The following LRMDA variants were observed in gnomAD, a reference collection of about 807,000 sequenced individuals.
LRMDA encodes the protein leucine-rich melanocyte differentiation-associated protein.
A neutral mutation model predicts 29.8 loss-of-function variants in LRMDA; 18 were observed. The observed-to-expected ratio is 0.60, with a 90% CI of 0.42 to 0.90. The LOEUF is 0.90. Among genes scored for constraint, LRMDA ranks in the 40% least tolerant of loss-of-function variants. The pLI is 0.00. For synonymous variants in LRMDA, 125 were observed against 109.4 expected (o/e 1.14, Z -0.89); for missense variants, 273 against 273.9 (o/e 1.00, Z 0.02).
chr10:75,644,099 T>C (rs1313611573), intron 2 of LRMDA, among the ~76,000 whole-genome samples: 2 of 152,184 alleles, frequency 1.3e-5, no homozygotes, highest in African/African-American at 2.4e-5. Flanking sequence ...GATTAGACTT[T>C]GAAATAGGAC....
rs1847277153 is a variant in LRMDA, at chr10:75,987,298, G to T, written c.132-48710G>T. On this transcript the variant is annotated intron_variant, in intron 2 of 6. Coordinates refer to ENST00000611255, the MANE Select transcript of LRMDA (RefSeq NM_001305581.2). The stretch of plus-strand genomic sequence containing the variant: ...GAGGAGTGGGTCAACTTAGATCAAG[G>T]TTTCTTAATCTTGGCACTAATGATA... Among the ~76,000 whole-genome samples the T allele has an allele frequency of 1.3e-5, 2 of 152,242 alleles. 1 individual carries two copies.
intron 4 of LRMDA, among the ~76,000 whole-genome samples, chr10:76,050,090 TATA>T (rs1280067039): frequency 6.6e-6 from 1 of 152,242 alleles, no homozygotes; most frequent in African/African-American, 2.4e-5. Flanking sequence ...ATGTAATATT[TATA>T]ATATGTCACC....
chr10:76,414,755 T>G (rs752570322), intron 6 of LRMDA, among the ~76,000 whole-genome samples: 4 of 152,192 alleles, frequency 2.6e-5, no homozygotes, highest in Non-Finnish European at 1.5e-5. Context: ...GCCCGAGTCA[T>G]GGGCCCCTTA....
intron 2 of LRMDA, among the ~76,000 whole-genome samples, chr10:75,782,430 T>G (rs1193990277): frequency 6.6e-6 from 1 of 152,206 alleles, no homozygotes; most frequent in African/African-American, 2.4e-5. Flanking sequence ...TTTATTATTA[T>G]TTTTTCTTCT....
chr10:76,337,538 G>A (rs188991952), intron 6 of LRMDA, among the ~76,000 whole-genome samples: 19 of 152,232 alleles, frequency 1.2e-4, no homozygotes, highest in East Asian at 5.8e-4. Flanking sequence ...AGGTGGGAGC[G>A]TGCTCCTGGC....
chr10:76,131,628 G>A (rs1322203568), intron 5 of LRMDA, among the ~76,000 whole-genome samples: 1 of 150,254 alleles, frequency 6.7e-6, no homozygotes, highest in African/African-American at 2.4e-5. Flanking sequence ...ATAACCCTGG[G>A]TATTATTTTC....
intron 2 of LRMDA, among the ~76,000 whole-genome samples, chr10:75,859,755 CAAAT>C (rs912548501): frequency 6.6e-6 from 1 of 152,000 alleles, no homozygotes; most frequent in Non-Finnish European, 1.5e-5. Flanking sequence ...TTGATGCTGT[CAAAT>C]AAACAGGTCT....
At chr10:76,299,361 T>A (rs1411486223) in intron 5 of LRMDA, among the ~76,000 whole-genome samples, 1 of 152,190 alleles carries the variant, frequency 6.6e-6, no homozygotes, top group African/African-American at 2.4e-5. Context: ...TTCCTTTAGA[T>A]GTGAGACTAT....
chr10:75,732,427 C>G (rs1842710968), intron 2 of LRMDA, among the ~76,000 whole-genome samples: 1 of 152,174 alleles, frequency 6.6e-6, no homozygotes, highest in African/African-American at 2.4e-5. Context: ...ATTTATAAAC[C>G]AAACTAACAA....
intron 6 of LRMDA, among the ~76,000 whole-genome samples, chr10:76,540,632 CAT>C (rs1398880962): frequency 2.6e-5 from 4 of 152,130 alleles, no homozygotes; most frequent in Non-Finnish European, 5.9e-5. Flanking sequence ...GAAATGAAAA[CAT>C]ATTAATTATG....
chr10:75,734,125 A>G (rs1272983619), intron 2 of LRMDA, among the ~76,000 whole-genome samples: 1 of 152,174 alleles, frequency 6.6e-6, no homozygotes, highest in Non-Finnish European at 1.5e-5. Context: ...CTGACTGCTC[A>G]GGGCTGGAGT....
At chr10:76,447,861 T>A (rs1842368497) in intron 6 of LRMDA, among the ~76,000 whole-genome samples, 1 of 152,228 alleles carries the variant, frequency 6.6e-6, no homozygotes, top group Non-Finnish European at 1.5e-5. Context: ...TCCAGCATTT[T>A]TTCCTTGATG....
At chr10:76,011,118 C>T (rs1207652984) in intron 2 of LRMDA, among the ~76,000 whole-genome samples, 5 of 152,016 alleles carry the variant, frequency 3.3e-5, no homozygotes, top group African/African-American at 7.3e-5. Context: ...TCAGTGTTAA[C>T]TTTTTTTTAG....
chr10:76,332,183 T>C (rs1840912691), intron 6 of LRMDA, among the ~76,000 whole-genome samples: 1 of 152,200 alleles, frequency 6.6e-6, no homozygotes, highest in South Asian at 2.1e-4. Flanking sequence ...TAGATGTGCA[T>C]GTGTGCACTC....
chr10:76,076,039 C>T (rs1358000786), intron 5 of LRMDA, among the ~76,000 whole-genome samples: 2 of 152,044 alleles, frequency 1.3e-5, no homozygotes, highest in Non-Finnish European at 2.9e-5. Context: ...GGCTTCGTGC[C>T]CAATAAAGAC....
At chr10:76,398,562 T>C (rs977907415) in intron 6 of LRMDA, among the ~76,000 whole-genome samples, 2 of 152,220 alleles carry the variant, frequency 1.3e-5, no homozygotes, top group African/African-American at 4.8e-5. Context: ...CTCTGCTGAT[T>C]GGGCCAGAAA....
At chr10:75,953,978 A>C (rs970152417) in intron 2 of LRMDA, among the ~76,000 whole-genome samples, 25 of 152,294 alleles carry the variant, frequency 1.6e-4, no homozygotes, top group African/African-American at 6.0e-4. Flanking sequence ...AAGCAGAGAA[A>C]GTCCTAGATA....
rs147535661 is a variant in LRMDA at position 75,639,560 on chromosome 10, G to T, written c.131+201066G>T. Among the ~76,000 whole-genome samples the T allele has an allele frequency of 1.4e-4, 22 of 152,294 alleles. No homozygotes were observed. The East Asian group carries it at 3.9e-3, about 27-fold the overall frequency. On this transcript the variant is annotated intron_variant, in intron 2 of 6. Coordinates refer to ENST00000611255, the MANE Select transcript of LRMDA (RefSeq NM_001305581.2). Reference sequence around the variant, plus strand: ...GTGCTCCAGAACCAGTGTTGGCACCGTGAAGAAGTTGGGCAGAGGGAAGTT... The same window carrying T: ...GTGCTCCAGAACCAGTGTTGGCACCTTGAAGAAGTTGGGCAGAGGGAAGTT...
At chr10:76,376,709 C>T (rs1841522527) in intron 6 of LRMDA, among the ~76,000 whole-genome samples, 1 of 152,040 alleles carries the variant, frequency 6.6e-6, no homozygotes, top group Non-Finnish European at 1.5e-5. Context: ...ATTCCTGTTT[C>T]TCCACATTCT....
Sources: gnomAD v4.1 joint callset for allele counts (sites outside exome capture counted in the v4.1 genomes callset) on GRCh38, gnomAD v4.1.1 for gene constraint, MANE v1.5 for transcripts, NCBI Gene and HGNC (gene_info 2026-07-23, HGNC 2026-07-21) for gene names.